FOXJ3: variants seen among roughly 807,000 people sequenced by gnomAD.
FOXJ3 encodes forkhead box protein J3.
In FOXJ3, 22 loss-of-function variants were observed where a neutral mutation model predicts 76.1. The observed-to-expected ratio is 0.29, with a 90% CI of 0.21 to 0.41. FOXJ3 has a LOEUF of 0.41. Among genes scored for constraint, FOXJ3 ranks in the 10% least tolerant of loss-of-function variants. The pLI is 1.00. For synonymous variants in FOXJ3, 269 were observed against 261.2 expected (o/e 1.03, Z -0.29); for missense variants, 613 against 762.1 (o/e 0.80, Z 2.30).
chr1:42,325,813 A>G (rs10493104), intron 1 of FOXJ3, among the ~76,000 whole-genome samples: 5,923 of 152,294 alleles, frequency 0.039, 147 homozygotes, highest in South Asian at 0.092. Context: ...GAGCTAAATG[A>G]CCAACTTCTA....
intron 1 of FOXJ3, among the ~76,000 whole-genome samples, chr1:42,314,086 C>G (rs1026000188): frequency 6.6e-6 from 1 of 152,210 alleles, no homozygotes; most frequent in Non-Finnish European, 1.5e-5. Flanking sequence ...TAGCTTAACT[C>G]TTACTCTTTG....
At position 42,272,890 on chromosome 1, in the gene FOXJ3, C is replaced by T. The variant is rs185378402; in HGVS notation, c.369+5458G>A. Among the ~76,000 whole-genome samples, 88 of 152,332 alleles carry T rather than the reference C, an allele frequency of 5.8e-4. 1 individual carries two copies. Among genetic ancestry groups the T allele is most frequent in the African/African-American group, 2.1e-3 (86 of 41,580 alleles). Reference sequence around the variant, plus strand: ...ACTCTATCACGTTCTCTACTGCAAGCCACTATAACCAAGTGCTTCCTAACA... The same window carrying T: ...ACTCTATCACGTTCTCTACTGCAAGTCACTATAACCAAGTGCTTCCTAACA... On this transcript the variant is annotated intron_variant, in intron 3 of 12. Transcript: ENST00000361346.
chr1:42,294,953 T>C (rs1353162814), intron 2 of FOXJ3, among the ~76,000 whole-genome samples: 2 of 152,232 alleles, frequency 1.3e-5, no homozygotes, highest in Admixed American at 1.3e-4. Flanking sequence ...GAGAATAAAC[T>C]ATCCTTGTAT....
intron 2 of FOXJ3, among the ~76,000 whole-genome samples, chr1:42,300,093 G>A (rs890125396): frequency 6.6e-6 from 1 of 152,112 alleles, no homozygotes; most frequent in African/African-American, 2.4e-5. Flanking sequence ...CCAGCCACTA[G>A]GGAGGCTGAG....
intron 10 of FOXJ3, 70 bp from the exon 11 acceptor site, chr1:42,188,998 A>G (rs1224831538): frequency 4.7e-6 from 5 of 1,058,424 alleles, no homozygotes; most frequent in Admixed American, 3.1e-5. Context: ...ATAGCAAGAC[A>G]TAATTTTTTT....
intron 4 of FOXJ3, among the ~76,000 whole-genome samples, chr1:42,232,740 A>T (rs1648261386): frequency 6.6e-6 from 1 of 152,138 alleles, no homozygotes. Flanking sequence ...CCCATTCTGT[A>T]GGCTGCCTGT....
At chr1:42,205,114 A>G (rs1215345994) in intron 6 of FOXJ3, among the ~76,000 whole-genome samples, 1 of 152,154 alleles carries the variant, frequency 6.6e-6, no homozygotes, top group Non-Finnish European at 1.5e-5. Context: ...AAGAAAACAG[A>G]TGAACAAAAC....
At chr1:42,268,318 G>GA (rs200722000) in intron 3 of FOXJ3, among the ~76,000 whole-genome samples, 12 of 150,064 alleles carry the variant, frequency 8.0e-5, no homozygotes, top group African/African-American at 2.0e-4. Context: ...AATACTGAAA[G>GA]AAAAAAAAAC....
chr1:42,215,111 A>G (rs1298961222), intron 5 of FOXJ3, among the ~76,000 whole-genome samples: 2 of 152,260 alleles, frequency 1.3e-5, no homozygotes, highest in Non-Finnish European at 2.9e-5. Flanking sequence ...CACACAAGTA[A>G]CAGAAAATAC....
chr1:42,220,239 C>T (rs1412782206), intron 5 of FOXJ3, among the ~76,000 whole-genome samples: 1 of 152,124 alleles, frequency 6.6e-6, no homozygotes. Flanking sequence ...CAGGAAGAGA[C>T]TATTTCAATT....
chr1:42,274,169 T>A (rs534139749), intron 3 of FOXJ3, among the ~76,000 whole-genome samples: 1 of 152,154 alleles, frequency 6.6e-6, no homozygotes, highest in Non-Finnish European at 1.5e-5. Flanking sequence ...TTTCTCAGGC[T>A]AAATATTGAC....
chr1:42,276,249 G>A (rs554273236), intron 3 of FOXJ3, among the ~76,000 whole-genome samples: 21 of 152,084 alleles, frequency 1.4e-4, no homozygotes, highest in South Asian at 6.2e-4. Flanking sequence ...CCAGCTACTC[G>A]AGAGGCTGAG....
At chr1:42,240,592 A>C (rs905939508) in intron 4 of FOXJ3, among the ~76,000 whole-genome samples, 2 of 152,216 alleles carry the variant, frequency 1.3e-5, no homozygotes, top group African/African-American at 4.8e-5. Context: ...TTTTCCACAG[A>C]CTACCAAGAC....
At chr1:42,215,994 G>T (rs948200462) in intron 5 of FOXJ3, among the ~76,000 whole-genome samples, 1 of 151,768 alleles carries the variant, frequency 6.6e-6, no homozygotes, top group South Asian at 2.1e-4. Flanking sequence ...CTCTAAGGGG[G>T]AAAAAATTTA....
At chr1:42,297,897 T>C (rs1189610480) in intron 2 of FOXJ3, among the ~76,000 whole-genome samples, 1 of 152,226 alleles carries the variant, frequency 6.6e-6, no homozygotes, top group African/African-American at 2.4e-5. Flanking sequence ...TTTATATGTC[T>C]GGCAAAATTC....
chr1:42,324,110 ACAC>A, intron 1 of FOXJ3, among the ~76,000 whole-genome samples: 1 of 133,296 alleles, frequency 7.5e-6, no homozygotes, highest in Non-Finnish European at 1.6e-5. Flanking sequence ...CTGTGTATAT[ACAC>A]TGTATATACA....
At chr1:42,208,558 A>G (rs1646904088) in intron 5 of FOXJ3, among the ~76,000 whole-genome samples, 1 of 152,220 alleles carries the variant, frequency 6.6e-6, no homozygotes, top group Non-Finnish European at 1.5e-5. Flanking sequence ...TAAAGGTCAC[A>G]TATAATAAGT....
chr1:42,250,008 G>C (rs895327768), intron 4 of FOXJ3, among the ~76,000 whole-genome samples: 8 of 152,136 alleles, frequency 5.3e-5, no homozygotes, highest in African/African-American at 1.9e-4. Flanking sequence ...AAATAGTACA[G>C]TATAGCTTGA....
intron 4 of FOXJ3, among the ~76,000 whole-genome samples, chr1:42,232,994 G>C (rs372883144): frequency 6.9e-6 from 1 of 145,230 alleles, no homozygotes; most frequent in Non-Finnish European, 1.5e-5. Flanking sequence ...AAGGGATCCA[G>C]TTTCAGCTTT....
Sources: gnomAD v4.1 joint callset for allele counts (sites outside exome capture counted in the v4.1 genomes callset) on GRCh38, gnomAD v4.1.1 for gene constraint, MANE v1.5 for transcripts, NCBI Gene and HGNC (gene_info 2026-07-23, HGNC 2026-07-21) for gene names.